Variants in ARHGAP24 observed in about 807,000 individuals in gnomAD.
ARHGAP24 encodes rho GTPase-activating protein 24.
In ARHGAP24, 50 loss-of-function variants were observed where a neutral mutation model predicts 76.4. The observed-to-expected ratio is 0.65, with a 90% CI of 0.52 to 0.83. The LOEUF is 0.83. Ranked by LOEUF, ARHGAP24 falls within the 40% of genes least tolerant of loss-of-function variation. The pLI is 0.00. For missense variants in ARHGAP24, 930 were observed against 914.2 expected (o/e 1.02, Z -0.22); for synonymous variants, 345 against 323.3 (o/e 1.07, Z -0.72).
chr4:85,563,080 G>T lies in ARHGAP24; in HGVS notation c.-20-7442G>T, dbSNP rs530632793. 4.6e-5 allele frequency among the ~76,000 whole-genome samples: 7 copies of T among 152,258 alleles called. No homozygotes were observed. In the South Asian group the frequency reaches 1.5e-3, roughly 32 times the overall value. Reference sequence around the variant, plus strand: ...AGGGAATCAAGTTCAGTATAAACTGGCTTTGACCTAATCTCATGCAGAAGC... The same window carrying T: ...AGGGAATCAAGTTCAGTATAAACTGTCTTTGACCTAATCTCATGCAGAAGC... On this transcript the variant is annotated intron_variant, in intron 1 of 9. Coordinates refer to ENST00000395184, the MANE Select transcript of ARHGAP24 (RefSeq NM_001025616.3).
intron 3 of ARHGAP24, among the ~76,000 whole-genome samples, chr4:85,877,929 T>A (rs1467925922): frequency 6.6e-6 from 1 of 152,114 alleles, no homozygotes; most frequent in Non-Finnish European, 1.5e-5. Flanking sequence ...TACCTCAGGG[T>A]TTTATATTCT....
chr4:85,875,988 C>T (rs545532676), intron 3 of ARHGAP24, among the ~76,000 whole-genome samples: 6 of 151,898 alleles, frequency 4.0e-5, no homozygotes, highest in Non-Finnish European at 7.4e-5. Flanking sequence ...GGTGATCCAC[C>T]GGCCTCAGCC....
chr4:85,799,028 G>A (rs1278379098), intron 3 of ARHGAP24, among the ~76,000 whole-genome samples: 1 of 152,150 alleles, frequency 6.6e-6, no homozygotes, highest in Non-Finnish European at 1.5e-5. Flanking sequence ...TGGTACTGAA[G>A]TCAGAGATAT....
In ARHGAP24 at chr4:86,002,443, T is replaced by C. The variant is rs909218389; in HGVS notation, c.*1721T>C. The C allele has an allele frequency of 1.3e-5, 2 of 152,184 alleles. No individual in the cohort carries two copies. The highest frequency in any genetic ancestry group is 4.8e-5 in the African/African-American group (2 of 41,436). 9.4% of individuals were successfully genotyped at this position (152,184 alleles called of 1,614,324 possible). ...AAACTCAAAATATGAAAATTGATCT[T>C]AATAACTCTCCCTTCATATCTTTTC... On this transcript the variant is annotated 3_prime_UTR_variant, in exon 10 of 10. Transcript: ENST00000395184.
intron 3 of ARHGAP24, among the ~76,000 whole-genome samples, chr4:85,906,856 C>T (rs1467871487): frequency 6.6e-6 from 1 of 152,066 alleles, no homozygotes; most frequent in Admixed American, 6.5e-5. Flanking sequence ...AACAGGAGCT[C>T]ATATCTTAGG....
chr4:85,732,594 C>A (rs1050398481), intron 3 of ARHGAP24, among the ~76,000 whole-genome samples: 5 of 152,126 alleles, frequency 3.3e-5, no homozygotes, highest in African/African-American at 1.2e-4. Context: ...TTAAAATGGA[C>A]CTTATCTTTA....
intron 2 of ARHGAP24, among the ~76,000 whole-genome samples, chr4:85,698,504 C>T (rs6531854): frequency 0.66 from 100,032 of 152,094 alleles, 34,754 homozygotes; most frequent in Non-Finnish European, 0.79. Flanking sequence ...ATATAACATC[C>T]TTCCTGGCTT....
intron 2 of ARHGAP24, among the ~76,000 whole-genome samples, chr4:85,695,201 G>C (rs796341496): frequency 3.9e-5 from 6 of 152,226 alleles, no homozygotes; most frequent in African/African-American, 1.4e-4. Flanking sequence ...TAATGTTTTG[G>C]TTCCTGCATT....
chr4:86,002,613 T>C lies in ARHGAP24; in HGVS notation c.*1891T>C, dbSNP rs1332341516. The stretch of plus-strand genomic sequence containing the variant: ...TTGCCAGCTGTTACTGAACCTTCTA[T>C]GCATAACTTTTTTTTTCCTCTGTGC... On this transcript the variant is annotated 3_prime_UTR_variant, in exon 10 of 10. Transcript: ENST00000395184. 6.6e-6 allele frequency: 1 copy of C among 152,116 alleles called. No individual in the cohort carries two copies. The highest frequency in any genetic ancestry group is 1.5e-5 in the Non-Finnish European group (1 of 68,020). The allele number at this position is 152,116 out of a possible 1,614,324, so 9.4% of individuals were successfully genotyped here. A position where few individuals can be genotyped will look rare whatever the true frequency, so the allele number is the denominator to read the frequency against.
intron 2 of ARHGAP24, among the ~76,000 whole-genome samples, chr4:85,666,728 C>T (rs1722634652): frequency 6.6e-6 from 1 of 152,182 alleles, no homozygotes. Context: ...GGACCCTCAG[C>T]TGCAGGTCTG....
At chr4:85,629,733 T>A in intron 2 of ARHGAP24, among the ~76,000 whole-genome samples, 1 of 152,202 alleles carries the variant, frequency 6.6e-6, no homozygotes, top group East Asian at 1.9e-4. Flanking sequence ...TCCTTGAATG[T>A]GATGAGTTAC....
intron 2 of ARHGAP24, among the ~76,000 whole-genome samples, chr4:85,602,063 C>G (rs777269537): frequency 1.3e-5 from 2 of 152,124 alleles, no homozygotes; most frequent in Non-Finnish European, 2.9e-5. Flanking sequence ...CTAAGACTTA[C>G]GGAAGATAGC....
intron 3 of ARHGAP24, among the ~76,000 whole-genome samples, chr4:85,837,625 C>T (rs902331051): frequency 6.6e-6 from 1 of 152,084 alleles, no homozygotes; most frequent in African/African-American, 2.4e-5. Context: ...TAGAGGACTC[C>T]GAGGTTGCAG....
chr4:85,572,626 C>T (rs1277257591), intron 2 of ARHGAP24, among the ~76,000 whole-genome samples: 1 of 151,820 alleles, frequency 6.6e-6, no homozygotes, highest in African/African-American at 2.4e-5. Flanking sequence ...ATAGTATTTC[C>T]AAGATAAATA....
At chr4:85,632,608 C>T (rs1721193165) in intron 2 of ARHGAP24, among the ~76,000 whole-genome samples, 1 of 151,964 alleles carries the variant, frequency 6.6e-6, no homozygotes, top group South Asian at 2.1e-4. Context: ...ATCGTGTATA[C>T]ACAGTGGTGA....
Position 85,995,089 on chromosome 4 carries a change from A to G in ARHGAP24, c.1435A>G (p.Asn479Asp). Residue 479 changes from asparagine (N) to aspartate (D), a missense_variant, in exon 9 of 10, where the codon AAT becomes GAT. Coordinates refer to ENST00000395184, the MANE Select transcript of ARHGAP24 (RefSeq NM_001025616.3). ...GTKMGTHSVQ[N>D]GTVRMGILNS... ...CAAAATGGGCACGCACAGTGTACAGAATGGAACGGTGCGCATGGGCATTTT... is the reference window on the plus strand; with the variant it reads ...CAAAATGGGCACGCACAGTGTACAGGATGGAACGGTGCGCATGGGCATTTT... 6.2e-7 allele frequency: 1 copy of G among 1,614,076 alleles called. No homozygotes were observed. The highest frequency in any genetic ancestry group is 8.5e-7 in the Non-Finnish European group (1 of 1,180,012).
chr4:85,515,075 C>T (rs1724443199), intron 1 of ARHGAP24, among the ~76,000 whole-genome samples: 1 of 152,052 alleles, frequency 6.6e-6, no homozygotes, highest in Admixed American at 6.6e-5. Context: ...GAATATTCTT[C>T]AGATCTAATT....
chr4:85,763,239 C>T (rs1726801121), intron 3 of ARHGAP24, among the ~76,000 whole-genome samples: 1 of 152,106 alleles, frequency 6.6e-6, no homozygotes. Flanking sequence ...GTGACTAGGC[C>T]ATTTTTTTTA....
intron 3 of ARHGAP24, among the ~76,000 whole-genome samples, chr4:85,818,504 G>T (rs746954975): frequency 2.0e-5 from 3 of 152,140 alleles, no homozygotes; most frequent in African/African-American, 7.2e-5. Flanking sequence ...AGGTCAAATA[G>T]GTTCTTGTCA....
Sources: gnomAD v4.1 joint callset for allele counts (sites outside exome capture counted in the v4.1 genomes callset) on GRCh38, gnomAD v4.1.1 for gene constraint, MANE v1.5 for transcripts, NCBI Gene and HGNC (gene_info 2026-07-23, HGNC 2026-07-21) for gene names.